The following SPIDR variants were observed in gnomAD, a reference collection of about 807,000 sequenced individuals.
The protein encoded by SPIDR is scaffold protein involved in DNA repair.
A neutral mutation model predicts 104.6 loss-of-function variants in SPIDR; 93 were observed. The observed-to-expected ratio is 0.89, with a 90% CI of 0.75 to 1.06. The LOEUF (loss-of-function observed/expected upper bound fraction) is 1.06. Ranked by LOEUF, SPIDR falls within the 50% of genes least tolerant of loss-of-function variation. The pLI is 0.00. For missense variants in SPIDR, 1,154 were observed against 1,111.2 expected (o/e 1.04, Z -0.55); for synonymous variants, 431 against 416.9 (o/e 1.03, Z -0.41).
chr8:47,584,830 C>T (rs1027987793), intron 8 of SPIDR, among the ~76,000 whole-genome samples: 1 of 152,178 alleles, frequency 6.6e-6, no homozygotes, highest in African/African-American at 2.4e-5. Flanking sequence ...CTGCACCCAC[C>T]GTACCCTTTT....
intron 8 of SPIDR, among the ~76,000 whole-genome samples, chr8:47,572,318 A>T (rs534788151): frequency 6.6e-6 from 1 of 152,300 alleles, no homozygotes; most frequent in Non-Finnish European, 1.5e-5. Context: ...GAGGCCAAGA[A>T]TTCAGTCGAT....
chr8:47,664,913 T>A, intron 10 of SPIDR, among the ~76,000 whole-genome samples: 1 of 150,772 alleles, frequency 6.6e-6, no homozygotes. Context: ...AAAAAGAAAT[T>A]AAGATTATGC....
chr8:47,566,595 A>AT (rs966302413), intron 8 of SPIDR, among the ~76,000 whole-genome samples: 8 of 151,446 alleles, frequency 5.3e-5, no homozygotes, highest in Admixed American at 1.3e-4. Flanking sequence ...TTACTTTTTT[A>AT]TTTTTTTTAT....
chr8:47,735,686 G>A lies in SPIDR; in HGVS notation c.*236G>A, dbSNP rs956336399. 6.7e-6 allele frequency: 6 copies of A among 898,806 alleles called. No individual in the cohort carries two copies. The highest frequency in any genetic ancestry group is 5.7e-5 in the South Asian group (3 of 52,748). 55.7% of individuals were successfully genotyped at this position (898,806 alleles called of 1,614,324 possible). A position where few individuals can be genotyped will look rare whatever the true frequency, so the allele number is the denominator to read the frequency against. On this transcript the variant is annotated 3_prime_UTR_variant, in exon 20 of 20. Transcript: ENST00000297423. ...TGCAAATTTAGGAACATATTTACTC[G>A]TTTTCACATTGAATCTTAAGTTTAA...
chr8:47,670,436 A>C (rs534505258), intron 10 of SPIDR, among the ~76,000 whole-genome samples: 8 of 152,320 alleles, frequency 5.3e-5, no homozygotes, highest in African/African-American at 1.9e-4. Context: ...CTATGAATGG[A>C]AAAATTAGTT....
At chr8:47,361,965 C>T (rs782533913) in intron 5 of SPIDR, among the ~76,000 whole-genome samples, 13 of 152,190 alleles carry the variant, frequency 8.5e-5, no homozygotes, top group Non-Finnish European at 1.3e-4. Context: ...AGAGGCTCCA[C>T]GTGCTACACA....
chr8:47,415,247 A>C (rs895651506), intron 7 of SPIDR, among the ~76,000 whole-genome samples: 2 of 152,072 alleles, frequency 1.3e-5, no homozygotes, highest in Admixed American at 6.6e-5. Context: ...ATAATTGTAG[A>C]TTGACATGCA....
At position 47,532,322 on chromosome 8, in the gene SPIDR, G is replaced by A. The variant is rs560419689; in HGVS notation, c.1098-63489G>A. Reference sequence around the variant, plus strand: ...GACCTCAGGTGATCCACCTGCCTTGGCCTCCCAAAGTGCTGGGATTATAGG... The same window carrying A: ...GACCTCAGGTGATCCACCTGCCTTGACCTCCCAAAGTGCTGGGATTATAGG... On this transcript the variant is annotated intron_variant, in intron 8 of 19. Transcript: ENST00000297423. 5.3e-5 allele frequency among the ~76,000 whole-genome samples: 8 copies of A among 152,202 alleles called. No homozygotes were observed. In the East Asian group the frequency reaches 1.5e-3, roughly 29 times the overall value.
intron 10 of SPIDR, among the ~76,000 whole-genome samples, chr8:47,628,959 T>C (rs569305334): frequency 3.3e-5 from 5 of 152,328 alleles, no homozygotes; most frequent in Non-Finnish European, 4.4e-5. Flanking sequence ...TTAAACTTAA[T>C]TTATTTGCAA....
chr8:47,534,625 C>T (rs986258976), intron 8 of SPIDR, among the ~76,000 whole-genome samples: 1 of 151,942 alleles, frequency 6.6e-6, no homozygotes, highest in African/African-American at 2.4e-5. Flanking sequence ...CTGAGGTCAA[C>T]TTGAAGAGGG....
intron 1 of SPIDR, among the ~76,000 whole-genome samples, chr8:47,268,410 G>C (rs1297566322): frequency 1.3e-5 from 2 of 152,134 alleles, no homozygotes. Flanking sequence ...AGACAAATTG[G>C]AGAGTATTAT....
At chr8:47,649,486 A>C (rs1405605412) in intron 10 of SPIDR, among the ~76,000 whole-genome samples, 1 of 152,208 alleles carries the variant, frequency 6.6e-6, no homozygotes. Flanking sequence ...AGACATGACA[A>C]CTAAATGCAG....
intron 1 of SPIDR, among the ~76,000 whole-genome samples, chr8:47,268,503 A>G (rs1331719944): frequency 2.6e-5 from 4 of 152,188 alleles, no homozygotes; most frequent in Non-Finnish European, 5.9e-5. Flanking sequence ...TATGTTTTAC[A>G]GTTTTCAGTG....
intron 10 of SPIDR, among the ~76,000 whole-genome samples, chr8:47,625,877 G>C (rs1360278229): frequency 6.6e-6 from 1 of 152,108 alleles, no homozygotes; most frequent in Non-Finnish European, 1.5e-5. Flanking sequence ...CACAGAATTG[G>C]AAAAAACTAC....
rs531943387 is a variant in SPIDR at position 47,401,487 on chromosome 8, A to G, written c.776+4861A>G. Among the ~76,000 whole-genome samples, 68 of 152,292 alleles carry G rather than the reference A, an allele frequency of 4.5e-4. 1 individual carries two copies. The highest frequency in any genetic ancestry group is 1.5e-3 in the African/African-American group (62 of 41,550). ...GATCAAATTCACACATAACAATATAAACCTTAAATATAAATGGGCCAAACT... is the reference window on the plus strand; with the variant it reads ...GATCAAATTCACACATAACAATATAGACCTTAAATATAAATGGGCCAAACT... On this transcript the variant is annotated intron_variant, in intron 6 of 19. Transcript: ENST00000297423.
intron 11 of SPIDR, among the ~76,000 whole-genome samples, chr8:47,683,550 C>T (rs985272762): frequency 2.0e-5 from 3 of 152,188 alleles, no homozygotes; most frequent in Non-Finnish European, 4.4e-5. Context: ...CATCCCTTTT[C>T]TGAAATGCTT....
intron 16 of SPIDR, among the ~76,000 whole-genome samples, chr8:47,724,113 T>C (rs537350475): frequency 1.8e-4 from 28 of 152,328 alleles, no homozygotes; most frequent in Non-Finnish European, 3.8e-4. Flanking sequence ...GCCATTTTCA[T>C]GTAGCATTCC....
At chr8:47,311,858 A>C (rs1274586444) in intron 5 of SPIDR, among the ~76,000 whole-genome samples, 3 of 152,060 alleles carry the variant, frequency 2.0e-5, no homozygotes, top group Non-Finnish European at 2.9e-5. Flanking sequence ...TCCTAATGCT[A>C]TCCCTCCCCA....
intron 8 of SPIDR, among the ~76,000 whole-genome samples, chr8:47,488,463 A>G (rs2078081776): frequency 6.6e-6 from 1 of 152,190 alleles, no homozygotes; most frequent in African/African-American, 2.4e-5. Flanking sequence ...AACTATTCCA[A>G]TCAACAGAAA....
Sources: allele counts gnomAD v4.1 joint callset (sites outside exome capture counted in the v4.1 genomes callset), GRCh38; gene constraint gnomAD v4.1.1; transcripts MANE v1.5; gene names NCBI Gene and HGNC (gene_info 2026-07-23, HGNC 2026-07-21).